GRIP1: variants seen among roughly 807,000 people sequenced by gnomAD.
GRIP1 encodes the protein glutamate receptor-interacting protein 1.
In GRIP1, 45 loss-of-function variants were observed where a neutral mutation model predicts 129.9. The ratio of observed to expected loss-of-function variants is 0.35; its 90% CI spans 0.27 to 0.44. The LOEUF is 0.44. Among genes scored for constraint, GRIP1 ranks in the 20% least tolerant of loss-of-function variants. The pLI is 1.00. For missense variants in GRIP1, 1,196 were observed against 1,396.8 expected (o/e 0.86, Z 2.29); for synonymous variants, 530 against 520.8 (o/e 1.02, Z -0.24).
At chr12:66,406,867 C>T (rs60771683) in intron 15 of GRIP1, among the ~76,000 whole-genome samples, 1 of 152,016 alleles carries the variant, frequency 6.6e-6, no homozygotes, top group African/African-American at 2.4e-5. Flanking sequence ...CTAAGGCTTG[C>T]ACCTCTGCTA....
At chr12:66,731,747 T>A (rs1342294024) in intron 1 of GRIP1, among the ~76,000 whole-genome samples, 1 of 152,188 alleles carries the variant, frequency 6.6e-6, no homozygotes, top group Non-Finnish European at 1.5e-5. Flanking sequence ...CTAAAAGTGG[T>A]TAAAATGGTA....
At chr12:67,001,296 C>T (rs2042547358) in intron 1 of GRIP1, among the ~76,000 whole-genome samples, 1 of 152,120 alleles carries the variant, frequency 6.6e-6, no homozygotes. Context: ...AGCTTGTGGG[C>T]TATCTAAATT....
At chr12:66,597,013 G>A (rs984772035) in intron 1 of GRIP1, 86 bp from the exon 2 acceptor site, 12 of 909,964 alleles carry the variant, frequency 1.3e-5, no homozygotes, top group Admixed American at 6.8e-5. Context: ...ATCCTTCTGC[G>A]AGAGAGAAGT....
chr12:67,000,084 C>G (rs1485678976), intron 1 of GRIP1, among the ~76,000 whole-genome samples: 1 of 152,184 alleles, frequency 6.6e-6, no homozygotes, highest in African/African-American at 2.4e-5. Context: ...AGGCATTACT[C>G]TTTTCACATG....
At chr12:67,010,949 G>A (rs2042697738) in intron 1 of GRIP1, among the ~76,000 whole-genome samples, 1 of 152,056 alleles carries the variant, frequency 6.6e-6, no homozygotes, top group Non-Finnish European at 1.5e-5. Flanking sequence ...CAGGACTGAG[G>A]CCTAGTACCT....
chr12:66,656,767 AT>A (rs1490845923), intron 1 of GRIP1, among the ~76,000 whole-genome samples: 2 of 152,188 alleles, frequency 1.3e-5, no homozygotes, highest in Admixed American at 6.5e-5. Context: ...TAAATATTAA[AT>A]GCCTGGCTCT....
chr12:66,689,268 CAG>C (rs1237272610), intron 1 of GRIP1, among the ~76,000 whole-genome samples: 7 of 152,134 alleles, frequency 4.6e-5, no homozygotes, highest in Admixed American at 1.3e-4. Context: ...GTGACAGTAA[CAG>C]AGGCCGAGTT....
chr12:66,896,749 A>G (rs1463645086), intron 1 of GRIP1, among the ~76,000 whole-genome samples: 2 of 152,242 alleles, frequency 1.3e-5, no homozygotes, highest in African/African-American at 4.8e-5. Context: ...AGCTGTTTTT[A>G]GAATCAAGAG....
At chr12:66,970,835 G>A (rs1239790828) in intron 1 of GRIP1, among the ~76,000 whole-genome samples, 9 of 152,278 alleles carry the variant, frequency 5.9e-5, no homozygotes, top group African/African-American at 1.9e-4. Context: ...GGTGCCTCGA[G>A]TCAGAGAACT....
intron 1 of GRIP1, among the ~76,000 whole-genome samples, chr12:66,919,340 T>C (rs1353336451): frequency 6.6e-6 from 1 of 152,120 alleles, no homozygotes; most frequent in East Asian, 1.9e-4. Flanking sequence ...CTAAGATTAT[T>C]ATACTCCTTA....
intron 13 of GRIP1, among the ~76,000 whole-genome samples, chr12:66,436,288 G>T (rs1315714598): frequency 6.6e-6 from 1 of 152,112 alleles, no homozygotes. Context: ...TGAGGAACGT[G>T]AACGTTTAAC....
At chr12:66,935,189 T>C (rs1038273338) in intron 1 of GRIP1, among the ~76,000 whole-genome samples, 5 of 152,214 alleles carry the variant, frequency 3.3e-5, no homozygotes, top group Non-Finnish European at 7.3e-5. Flanking sequence ...CCAGCATTCC[T>C]ATAATAAAAT....
At chr12:66,427,053 G>A (rs1323591235) in intron 14 of GRIP1, among the ~76,000 whole-genome samples, 1 of 152,188 alleles carries the variant, frequency 6.6e-6, no homozygotes, top group Non-Finnish European at 1.5e-5. Flanking sequence ...ATTCTTAGCA[G>A]TCTTTAAACC....
chr12:66,909,087 A>T (rs1175662059), intron 1 of GRIP1, among the ~76,000 whole-genome samples: 1 of 151,992 alleles, frequency 6.6e-6, no homozygotes, highest in Non-Finnish European at 1.5e-5. Flanking sequence ...CTTATTTTAA[A>T]TTTTTTCTTG....
chr12:66,485,420 TA>T (rs1232730431), intron 7 of GRIP1, among the ~76,000 whole-genome samples: 1 of 150,950 alleles, frequency 6.6e-6, no homozygotes, highest in Non-Finnish European at 1.5e-5. Context: ...ATATATAATT[TA>T]AAAAATAATT....
At chr12:66,974,301 T>C (rs923657257) in intron 1 of GRIP1, among the ~76,000 whole-genome samples, 1 of 152,170 alleles carries the variant, frequency 6.6e-6, no homozygotes, top group African/African-American at 2.4e-5. Flanking sequence ...CACATACATA[T>C]TTCTTACCTC....
At chr12:66,861,702 T>C (rs536408566) in intron 1 of GRIP1, among the ~76,000 whole-genome samples, 1 of 152,170 alleles carries the variant, frequency 6.6e-6, no homozygotes, top group Admixed American at 6.6e-5. Context: ...TCACACTATT[T>C]TGCAGCACCT....
At chr12:66,623,685 T>G (rs2065370147) in intron 1 of GRIP1, among the ~76,000 whole-genome samples, 1 of 152,142 alleles carries the variant, frequency 6.6e-6, no homozygotes. Flanking sequence ...AGTCACTTCC[T>G]CATTTCTTCT....
intron 1 of GRIP1, among the ~76,000 whole-genome samples, chr12:66,821,924 A>C (rs1184789730): frequency 3.3e-5 from 5 of 152,160 alleles, no homozygotes; most frequent in Admixed American, 2.0e-4. Context: ...ACATTATCTC[A>C]GGAAGAGCTC....
Sources: allele counts gnomAD v4.1 joint callset (sites outside exome capture counted in the v4.1 genomes callset), GRCh38; gene constraint gnomAD v4.1.1; transcripts MANE v1.5; gene names NCBI Gene and HGNC (gene_info 2026-07-23, HGNC 2026-07-21).